ATP8B1: variants seen among roughly 807,000 people sequenced by gnomAD.
The protein encoded by ATP8B1 is phospholipid-transporting ATPase IC.
A neutral mutation model predicts 149.9 loss-of-function variants in ATP8B1; 80 were observed. The ratio of observed to expected loss-of-function variants is 0.53; its 90% CI spans 0.45 to 0.64. The LOEUF (loss-of-function observed/expected upper bound fraction) is 0.64. Ranked by LOEUF, ATP8B1 falls within the 30% of genes least tolerant of loss-of-function variation. The pLI, the probability that ATP8B1 is intolerant of heterozygous loss-of-function variation, is 0.00. For missense variants in ATP8B1, 1,247 were observed against 1,552.6 expected (o/e 0.80, Z 3.31); for synonymous variants, 536 against 562.8 (o/e 0.95, Z 0.67).
chr18:57,699,222 A>G (rs1200002672), intron 6 of ATP8B1, among the ~76,000 whole-genome samples: 1 of 152,244 alleles, frequency 6.6e-6, no homozygotes, highest in African/African-American at 2.4e-5. Flanking sequence ...TAATGCAAAT[A>G]TAGACTATAC....
intron 1 of ATP8B1, chr18:57,734,084 CTTAAG>C (rs1340195527): frequency 6.6e-6 from 1 of 152,150 alleles, no homozygotes; most frequent in Non-Finnish European, 1.5e-5. Flanking sequence ...CATTAATGAC[CTTAAG>C]TTAATAGGTA....
chr18:57,800,026 G>T (rs2080559181), intron 1 of ATP8B1, among the ~76,000 whole-genome samples: 1 of 152,176 alleles, frequency 6.6e-6, no homozygotes, highest in Admixed American at 6.5e-5. Flanking sequence ...CTACAGGCAT[G>T]AATACAATTA....
rs1327420528 is a variant in ATP8B1, at chr18:57,802,058, C to CA, written c.-26+939_-26+940insT. 2.0e-5 allele frequency: 3 copies of CA among 151,752 alleles called. 1 individual carries two copies. Among genetic ancestry groups the CA allele is most frequent in the Admixed American group, 6.6e-5 (1 of 15,234 alleles). 9.4% of individuals were successfully genotyped at this position (151,752 alleles called of 1,614,324 possible). A position where few individuals can be genotyped will look rare whatever the true frequency, so the allele number is the denominator to read the frequency against. On this transcript the variant is annotated intron_variant, in intron 1 of 27. Transcript: ENST00000648908. The surrounding 1 kb of genome is among the most constrained non-coding windows in gnomAD (Gnocchi z 4.9). ...CGGATCTGCGCTCCGAGCACCGCCC[C>CA]CCCCCGCAACCAGCCACCAACCCCC...
intron 16 of ATP8B1, among the ~76,000 whole-genome samples, chr18:57,672,950 TATAC>T (rs201994608): frequency 0.24 from 19,769 of 84,006 alleles, 3,862 homozygotes; most frequent in East Asian, 0.55. Flanking sequence ...TATACACATA[TATAC>T]ATACATATAT....
chr18:57,793,583 T>C (rs1335782633), intron 1 of ATP8B1, among the ~76,000 whole-genome samples: 1 of 152,090 alleles, frequency 6.6e-6, no homozygotes, highest in African/African-American at 2.4e-5. Context: ...CCCCTTCCTC[T>C]CTGCCCTTAC....
At chr18:57,709,472 C>T (rs1338735546) in intron 2 of ATP8B1, among the ~76,000 whole-genome samples, 1 of 152,174 alleles carries the variant, frequency 6.6e-6, no homozygotes, top group Admixed American at 6.5e-5. Flanking sequence ...CACTTATTAA[C>T]ATCAGTTAAG....
Position 57,731,633 on chromosome 18 carries a change from T to C in ATP8B1, c.175A>G (p.Arg59Gly), listed in dbSNP as rs1001337934. Residue 59 changes from arginine (R) to glycine (G), a missense_variant, in exon 2 of 28, where the codon AGA becomes GGA. Arg to Gly is a moderately radical substitution (Grantham distance 125). This residue lies in a region of ATP8B1 where 853 missense variants were observed against 1,035.7 expected (regional missense o/e 0.82). Transcript: ENST00000648908. The part of the protein sequence containing the change: ...REAEENREPF[R>G]KECTWQVKAN... ...CGGGACTTCATGTGGTTACCTTTTC[T>C]GAATGGCTCCCGGTTCTCCTCTGCT... is the stretch of plus-strand genomic sequence containing the variant. 1.9e-6 allele frequency: 3 copies of C among 1,614,088 alleles called. No individual in the cohort carries two copies. The highest frequency in any genetic ancestry group is 1.7e-5 in the Admixed American group (1 of 59,996).
Position 57,658,085 on chromosome 18 carries a change from C to T in ATP8B1, c.2708-2668G>A, listed in dbSNP as rs527618892. 3.3e-3 allele frequency among the ~76,000 whole-genome samples: 493 copies of T among 151,200 alleles called. 2 individuals carry two copies. Among genetic ancestry groups the T allele is most frequent in the Non-Finnish European group, 4.9e-3 (335 of 67,880 alleles). The stretch of plus-strand genomic sequence containing the variant: ...TTTTTGAGATGGAGTCTTTTTCTGT[C>T]GCCCAGGCTGGAGTGCAGTGGTGCG... On this transcript the variant is annotated intron_variant, in intron 22 of 27. Transcript: ENST00000648908.
At position 57,648,152 on chromosome 18, in the gene ATP8B1, A is replaced by G; in HGVS notation, c.*336T>C. 1 of 405,752 alleles carries G rather than the reference A, an allele frequency of 2.5e-6. No individual in the cohort carries two copies. 25.1% of individuals were successfully genotyped at this position (405,752 alleles called of 1,614,324 possible). A position where few individuals can be genotyped will look rare whatever the true frequency, so the allele number is the denominator to read the frequency against. ...CGGGTGCCCACCACCAAGCCCGGCTAATTTTTAATTTATGGTAGAGACAGG... is the reference window on the plus strand; with the variant it reads ...CGGGTGCCCACCACCAAGCCCGGCTGATTTTTAATTTATGGTAGAGACAGG... On this transcript the variant is annotated 3_prime_UTR_variant, in exon 28 of 28. Transcript: ENST00000648908.
At chr18:57,660,351 ACT>A (rs977018618) in intron 22 of ATP8B1, among the ~76,000 whole-genome samples, 3 of 152,144 alleles carry the variant, frequency 2.0e-5, no homozygotes. Context: ...GTTACTCTAA[ACT>A]CACACCAGGT....
intron 2 of ATP8B1, among the ~76,000 whole-genome samples, chr18:57,719,906 A>G (rs1318502261): frequency 6.6e-5 from 10 of 152,296 alleles, no homozygotes; most frequent in South Asian, 2.1e-4. Context: ...TCTGAGAACC[A>G]ACAGACTGCC....
intron 15 of ATP8B1, among the ~76,000 whole-genome samples, chr18:57,680,258 C>G (rs936819382): frequency 2.5e-5 from 2 of 81,062 alleles, no homozygotes; most frequent in African/African-American, 4.8e-5. Flanking sequence ...ACCTGGGCAA[C>G]AGGAGCGAGA....
chr18:57,667,524 C>A, intron 19 of ATP8B1: 1 of 257,000 alleles, frequency 3.9e-6, no homozygotes. Flanking sequence ...TTCACACAAA[C>A]ACACTATTTT....
chr18:57,713,196 T>TTCCTTCCTTCCTTCC (rs1913790895), intron 2 of ATP8B1, among the ~76,000 whole-genome samples: 1 of 89,874 alleles, frequency 1.1e-5, no homozygotes, highest in African/African-American at 3.8e-5. Flanking sequence ...TCTTTCTTTC[T>TTCCTTCCTTCCTTCC]TTCCTTCCTT....
chr18:57,656,638 A>G (rs1433017442), intron 22 of ATP8B1, among the ~76,000 whole-genome samples: 1 of 151,910 alleles, frequency 6.6e-6, no homozygotes, highest in Non-Finnish European at 1.5e-5. Flanking sequence ...TGGCCTCCCA[A>G]AGTGCTAGGA....
chr18:57,707,088 C>CTT (rs1913437947), intron 2 of ATP8B1, among the ~76,000 whole-genome samples: 1 of 151,958 alleles, frequency 6.6e-6, no homozygotes, highest in African/African-American at 2.4e-5. Context: ...GGGTGAATCA[C>CTT]GAGGTCAGGA....
chr18:57,797,517 T>G (rs764261017), intron 1 of ATP8B1, among the ~76,000 whole-genome samples: 11 of 152,024 alleles, frequency 7.2e-5, no homozygotes, highest in Non-Finnish European at 1.6e-4. Flanking sequence ...CACCACAGCT[T>G]CCAGGCCCAT....
chr18:57,667,001 C>A, intron 20 of ATP8B1, 91 bp downstream of exon 20: 1 of 1,203,200 alleles, frequency 8.3e-7, no homozygotes, highest in Non-Finnish European at 1.2e-6. Flanking sequence ...ATCGTAACCC[C>A]TATTTCTTCA....
At chr18:57,670,356 T>A (rs2122717164) in intron 17 of ATP8B1, among the ~76,000 whole-genome samples, 1 of 97,320 alleles carries the variant, frequency 1.0e-5, no homozygotes, top group East Asian at 2.4e-4. Context: ...TTTCTTTTTC[T>A]TTTTTTTTTT....
Sources: gnomAD v4.1 joint callset for allele counts (sites outside exome capture counted in the v4.1 genomes callset) on GRCh38, gnomAD v4.1.1 for gene constraint, gnomAD v4.1.1 regional missense constraint, Gnocchi (gnomAD v3.1) non-coding constraint, MANE v1.5 for transcripts, NCBI Gene and HGNC (gene_info 2026-07-23, HGNC 2026-07-21) for gene names.